The following CDH18 variants were observed in gnomAD, a reference collection of about 807,000 sequenced individuals.
CDH18 encodes cadherin-18.
A neutral mutation model predicts 67.9 loss-of-function variants in CDH18; 31 were observed. That is an observed-to-expected ratio of 0.46 (90% CI 0.34 to 0.62). CDH18 has a LOEUF of 0.62. CDH18 is among the 20% of genes least tolerant of loss of function. CDH18 has a pLI of 0.01. For missense variants in CDH18, 890 were observed against 975.5 expected (o/e 0.91, Z 1.17); for synonymous variants, 362 against 347.2 (o/e 1.04, Z -0.48).
At chr5:20,438,255 T>G (rs1195719822) in intron 1 of CDH18, among the ~76,000 whole-genome samples, 2 of 149,062 alleles carry the variant, frequency 1.3e-5, no homozygotes, top group African/African-American at 4.9e-5. Context: ...TATATATATG[T>G]ATGTATATAT....
At chr5:20,227,476 T>C (rs1249634680) in intron 2 of CDH18, among the ~76,000 whole-genome samples, 2 of 152,068 alleles carry the variant, frequency 1.3e-5, no homozygotes, top group East Asian at 1.9e-4. Context: ...CTCATACAAA[T>C]TCAACAGTAT....
chr5:19,884,541 T>C (rs916239012), intron 2 of CDH18, among the ~76,000 whole-genome samples: 2 of 151,892 alleles, frequency 1.3e-5, no homozygotes, highest in Non-Finnish European at 2.9e-5. Context: ...CAAAATAGTA[T>C]ATAAGTATAT....
At chr5:19,915,556 G>T (rs1272643543) in intron 2 of CDH18, among the ~76,000 whole-genome samples, 1 of 151,838 alleles carries the variant, frequency 6.6e-6, no homozygotes, top group Non-Finnish European at 1.5e-5. Context: ...ACACATTTTT[G>T]AATGTTATAT....
chr5:19,611,053 C>A (rs1166437819), intron 6 of CDH18, among the ~76,000 whole-genome samples: 1 of 152,140 alleles, frequency 6.6e-6, no homozygotes, highest in African/African-American at 2.4e-5. Flanking sequence ...TTAAATTCAA[C>A]TAATTTACTC....
intron 1 of CDH18, among the ~76,000 whole-genome samples, chr5:20,332,124 C>G (rs1361898733): frequency 1.3e-5 from 2 of 151,784 alleles, no homozygotes; most frequent in African/African-American, 4.9e-5. Context: ...TAGTTGATGT[C>G]TATAAAAAAA....
At chr5:20,353,147 G>C (rs112839908) in intron 1 of CDH18, among the ~76,000 whole-genome samples, 3,269 of 151,974 alleles carry the variant, frequency 0.022, 84 homozygotes, top group African/African-American at 0.056. Flanking sequence ...ATACATTTTT[G>C]GTCCTTCATA....
rs2940454 is a variant in CDH18, at chr5:20,243,999, A to T, written c.-518+11445T>A. ...CAGACCTCTGGACTTTCAGTTGAAA[A>T]TTTTTGACATTCCTGAGTTAAAAAT... is the stretch of plus-strand genomic sequence containing the variant. On this transcript the variant is annotated intron_variant, in intron 2 of 14. Coordinates refer to the CDH18 transcript ENST00000507958. Among the ~76,000 whole-genome samples, 455 of 152,244 alleles carry T rather than the reference A, an allele frequency of 3.0e-3. 2 individuals carry two copies. Among genetic ancestry groups the T allele is most frequent in the African/African-American group, 0.01 (432 of 41,564 alleles).
intron 6 of CDH18, among the ~76,000 whole-genome samples, chr5:19,598,463 C>A (rs1385088678): frequency 6.6e-6 from 1 of 151,248 alleles, no homozygotes; most frequent in Non-Finnish European, 1.5e-5. Context: ...AAATGTAGAA[C>A]AATGAAAAAA....
chr5:20,184,952 A>C (rs1017184626), intron 2 of CDH18, among the ~76,000 whole-genome samples: 2 of 152,072 alleles, frequency 1.3e-5, no homozygotes, highest in African/African-American at 4.8e-5. Flanking sequence ...TAGACTTCAG[A>C]CCTCAGGGTC....
At chr5:20,172,212 A>ATATATATATATACGTATATATATG (rs1736823221) in intron 2 of CDH18, among the ~76,000 whole-genome samples, 5 of 50,710 alleles carry the variant, frequency 9.9e-5, no homozygotes, top group African/African-American at 2.6e-4. Context: ...ATATATATAT[A>ATATATATATATACGTATATATATG]TATATATATA....
chr5:20,466,325 G>T (rs1018588466), intron 1 of CDH18, among the ~76,000 whole-genome samples: 5 of 151,944 alleles, frequency 3.3e-5, no homozygotes, highest in African/African-American at 1.2e-4. Flanking sequence ...ATATAATATA[G>T]GAATACAATG....
rs889679895 is a variant in CDH18, at chr5:20,556,541, T to A, written c.-580+18921A>T. Reference sequence around the variant, plus strand: ...CTTCTCTTACTACTGTATCCTCAGATGCTCACTCCTGCGTGCTCCAGCAGC... The same window carrying A: ...CTTCTCTTACTACTGTATCCTCAGAAGCTCACTCCTGCGTGCTCCAGCAGC... On this transcript the variant is annotated intron_variant, in intron 1 of 14. Coordinates refer to the CDH18 transcript ENST00000507958. Among the ~76,000 whole-genome samples, 31 of 152,174 alleles carry A rather than the reference T, an allele frequency of 2.0e-4. 1 individual carries two copies. The highest frequency in any genetic ancestry group is 4.6e-4 in the Admixed American group (7 of 15,252).
intron 2 of CDH18, among the ~76,000 whole-genome samples, chr5:19,857,180 T>A (rs1784390455): frequency 6.6e-6 from 1 of 151,800 alleles, no homozygotes; most frequent in Non-Finnish European, 1.5e-5. Flanking sequence ...CAGTGAGCCA[T>A]GATTGTGCCA....
chr5:19,663,552 A>G (rs975876106), intron 5 of CDH18, among the ~76,000 whole-genome samples: 4 of 151,928 alleles, frequency 2.6e-5, no homozygotes, highest in African/African-American at 9.7e-5. Context: ...AGTTGGAGAA[A>G]CCAAATCCTG....
intron 5 of CDH18, among the ~76,000 whole-genome samples, chr5:19,614,052 G>A (rs1047357814): frequency 6.6e-6 from 1 of 151,932 alleles, no homozygotes; most frequent in Non-Finnish European, 1.5e-5. Flanking sequence ...AATTATAACT[G>A]TTACCTATAG....
At chr5:19,635,250 T>A (rs1414837591) in intron 5 of CDH18, among the ~76,000 whole-genome samples, 1 of 152,178 alleles carries the variant, frequency 6.6e-6, no homozygotes, top group African/African-American at 2.4e-5. Flanking sequence ...AGAAAATCCA[T>A]CTAATCACAG....
At chr5:19,787,804 TAC>T (rs1285110771) in intron 3 of CDH18, among the ~76,000 whole-genome samples, 4 of 117,020 alleles carry the variant, frequency 3.4e-5, no homozygotes, top group Admixed American at 8.3e-5. Context: ...AGCAGTAATT[TAC>T]AGTTATATAT....
rs116042724 is a variant in CDH18 at position 19,961,778 on chromosome 5, G to C, written c.-257+19282C>G. Among the ~76,000 whole-genome samples the C allele has an allele frequency of 4.0e-3, 605 of 151,828 alleles. 6 individuals are homozygous for C. The highest frequency in any genetic ancestry group is 0.014 in the African/African-American group (587 of 41,378). Reference sequence around the variant, plus strand: ...ATACCATATCCAATAATATCATTTTGTTGTCCTGATTCCAGCTCAAAAGGC... The same window carrying C: ...ATACCATATCCAATAATATCATTTTCTTGTCCTGATTCCAGCTCAAAAGGC... On this transcript the variant is annotated intron_variant, in intron 2 of 12. Coordinates refer to ENST00000382275, the MANE Select transcript of CDH18 (RefSeq NM_004934.5).
At chr5:19,566,887 C>A (rs896053642) in intron 8 of CDH18, among the ~76,000 whole-genome samples, 4 of 152,140 alleles carry the variant, frequency 2.6e-5, no homozygotes, top group Non-Finnish European at 4.4e-5. Context: ...ATGCACAATA[C>A]AGTAATTCAG....
Sources: allele counts gnomAD v4.1 joint callset (sites outside exome capture counted in the v4.1 genomes callset), GRCh38; gene constraint gnomAD v4.1.1; transcripts MANE v1.5; gene names NCBI Gene and HGNC (gene_info 2026-07-23, HGNC 2026-07-21).